SKOR1: variants seen among roughly 807,000 people sequenced by gnomAD.
The protein encoded by SKOR1 is LBX1 corepressor 1.
A neutral mutation model predicts 72.4 loss-of-function variants in SKOR1; 38 were observed. The ratio of observed to expected loss-of-function variants is 0.52; its 90% CI spans 0.40 to 0.69. The LOEUF (loss-of-function observed/expected upper bound fraction) is 0.69, where lower values mean the gene tolerates loss of function less well. SKOR1 is among the 30% of genes least tolerant of loss of function. The pLI, the probability that SKOR1 is intolerant of heterozygous loss-of-function variation, is 0.00. For synonymous variants in SKOR1, 642 were observed against 599.4 expected (o/e 1.07, Z -1.04); for missense variants, 1,320 against 1,343.2 (o/e 0.98, Z 0.27).
chr15:67,832,499 G>A lies in SKOR1; in HGVS notation c.2663-108G>A. The A allele has an allele frequency of 7.6e-7, 1 of 1,310,596 alleles. No individual in the cohort carries two copies. The highest frequency in any genetic ancestry group is 2.3e-5 in the East Asian group (1 of 42,808). 81.2% of individuals were successfully genotyped at this position (1,310,596 alleles called of 1,614,324 possible). A position where few individuals can be genotyped will look rare whatever the true frequency, so the allele number is the denominator to read the frequency against. Reference sequence around the variant, plus strand: ...TCCTTTTCCAGGGCTGCAGGCGAATGGCTGGGTGGGAGTTGGGGGTAGGGG... The same window carrying A: ...TCCTTTTCCAGGGCTGCAGGCGAATAGCTGGGTGGGAGTTGGGGGTAGGGG... On this transcript the variant is annotated intron_variant, in intron 6 of 8. Coordinates refer to ENST00000380035, the MANE Select transcript of SKOR1 (RefSeq NM_001365915.1). This position sits in a 1 kb window ranked among gnomAD's most constrained non-coding sequence, Gnocchi z 4.5.
chr15:67,828,127 G>GGCCCCGCGCCGGCCAAGGTGA lies in SKOR1; in HGVS notation c.2310_2316+14dup. 6.7e-7 allele frequency: 1 copy of GGCCCCGCGCCGGCCAAGGTGA among 1,491,298 alleles called. No homozygotes were observed. The highest frequency in any genetic ancestry group is 8.9e-7 in the Non-Finnish European group (1 of 1,129,194). The allele number at this position is 1,491,298 out of a possible 1,614,324, so 92.4% of individuals were successfully genotyped here. A position where few individuals can be genotyped will look rare whatever the true frequency, so the allele number is the denominator to read the frequency against. ...GCGAGAGCCTTGCGGGCCCCTAGGA[G>GGCCCCGCGCCGGCCAAGGTGA]GCCCCGCGCCGGCCAAGGTGAGCCC... is the stretch of plus-strand genomic sequence containing the variant. On this transcript the variant is annotated inframe_insertion, in exon 2 of 9. Transcript: ENST00000380035.
rs1305221233 is a variant in SKOR1 at position 67,827,814 on chromosome 15, C to T, written c.1986C>T (p.Asp662=). 3 of 1,585,274 alleles carry T rather than the reference C, an allele frequency of 1.9e-6. No homozygotes were observed. Among genetic ancestry groups the T allele is most frequent in the South Asian group, 2.3e-5 (2 of 87,254 alleles). Residue 662 remains aspartate (D), a synonymous_variant, in exon 2 of 9, where the codon GAC becomes GAT. Coordinates refer to ENST00000380035, the MANE Select transcript of SKOR1 (RefSeq NM_001365915.1). ...ACACCGCGGACGAGCCCGAGGTGGA[C>T]GTGGAATCCAACCGCTTCCCCGACG... ...DVDTADEPEV[D]VESNRFPDDE...
At chr15:67,829,077 C>T in intron 2 of SKOR1, 102 bp from the exon 3 acceptor site, 4 of 1,082,216 alleles carry the variant, frequency 3.7e-6, no homozygotes, top group Non-Finnish European at 5.1e-6. Flanking sequence ...CCAACCTTTG[C>T]CACTCCGTCG....
At position 67,826,467 on chromosome 15, in the gene SKOR1, C is replaced by T. The variant is rs936175574; in HGVS notation, c.639C>T (p.Cys213=). The part of the protein sequence containing the change: ...SRAKCIKCGY[C]SMYFSPNKFI... ...CCAAGTGCATCAAGTGCGGCTACTG[C>T]AGCATGTACTTCTCGCCCAACAAGT... The change falls in exon 2 of 9, where the codon TGC becomes TGT. Residue 213 remains cysteine, a synonymous_variant. Coordinates refer to ENST00000380035, the MANE Select transcript of SKOR1 (RefSeq NM_001365915.1). 1.2e-6 allele frequency: 2 copies of T among 1,614,000 alleles called. No homozygotes were observed. Among genetic ancestry groups the T allele is most frequent in the African/African-American group, 2.7e-5 (2 of 74,950 alleles).
Position 67,827,943 on chromosome 15 carries a change from G to T in SKOR1, c.2115G>T (p.Ala705=). The change falls in exon 2 of 9, where the codon GCG becomes GCT. Residue 705 remains alanine, a synonymous_variant. Coordinates refer to ENST00000380035, the MANE Select transcript of SKOR1 (RefSeq NM_001365915.1). ...CCCCTTCCGCCACCTCCTCTGGCGC[G>T]GACGGTCCCGCAAACTCTCCCGACG... ...TGPPSATSSG[A]DGPANSPDGG... is the part of the protein sequence containing the mutation. 2 of 1,573,506 alleles carry T rather than the reference G, an allele frequency of 1.3e-6. No homozygotes were observed.
At chr15:67,831,756 G>A (rs936912127) in intron 5 of SKOR1, among the ~76,000 whole-genome samples, 1 of 152,116 alleles carries the variant, frequency 6.6e-6, no homozygotes, top group Non-Finnish European at 1.5e-5. Context: ...AATCACTGGT[G>A]CTTTATAGTG....
intron 5 of SKOR1, among the ~76,000 whole-genome samples, chr15:67,831,470 A>G (rs940172449): frequency 6.6e-6 from 1 of 152,094 alleles, no homozygotes; most frequent in African/African-American, 2.4e-5. Context: ...GGGAGTCCCT[A>G]GCCCCACTTT....
Position 67,832,292 on chromosome 15 carries a change from T to C in SKOR1, c.2606T>C (p.Leu869Pro). ...NLAREELQKL[L>P]LEQMELRKKL... is the part of the protein sequence containing the mutation. ...TTCACAGAGGAATTGCAAAAACTGC[T>C]CCTGGAACAAATGGAGCTCCGCAAG... Residue 869 changes from leucine to proline, a missense_variant, in exon 6 of 9, where the codon CTC (leucine) becomes CCC (proline). By Grantham distance (98) the Leu-to-Pro change is moderately conservative. Coordinates refer to ENST00000380035, the MANE Select transcript of SKOR1 (RefSeq NM_001365915.1). The surrounding 1 kb of genome is among the most constrained non-coding windows in gnomAD (Gnocchi z 4.5). 1.2e-6 allele frequency: 2 copies of C among 1,614,090 alleles called. No homozygotes were observed. The highest frequency in any genetic ancestry group is 1.7e-6 in the Non-Finnish European group (2 of 1,180,012).
Position 67,826,353 on chromosome 15 carries a change from G to A in SKOR1, c.525G>A (p.Leu175=). 1 of 1,613,644 alleles carries A rather than the reference G, an allele frequency of 6.2e-7. No homozygotes were observed. Residue 175 remains leucine, a synonymous_variant, in exon 2 of 9, where the codon CTG becomes CTA. Coordinates refer to ENST00000380035, the MANE Select transcript of SKOR1 (RefSeq NM_001365915.1). ...TGGGCGAGCACAAACCACCCAAGCT[G>A]CCCGAGAACTTCGCCTTCGATGTGG... ...SFLGEHKPPK[L]PENFAFDVVH...
Position 67,826,857 on chromosome 15 carries a change from C to T in SKOR1, c.1029C>T (p.His343=). 6.5e-7 allele frequency: 1 copy of T among 1,529,438 alleles called. No individual in the cohort carries two copies. The allele number at this position is 1,529,438 out of a possible 1,614,324, so 94.7% of individuals were successfully genotyped here. Residue 343 remains histidine, a synonymous_variant, in exon 2 of 9, where the codon CAC becomes CAT. Coordinates refer to ENST00000380035, the MANE Select transcript of SKOR1 (RefSeq NM_001365915.1). The part of the protein sequence containing the change: ...AAGPPGPPPP[H]PQRGLGLATG... The stretch of plus-strand genomic sequence containing the variant: ...GGCCTCCGGGGCCACCTCCACCCCA[C>T]CCGCAGCGCGGACTTGGCCTGGCGA...
rs1200500989 is a variant in SKOR1 at position 67,827,338 on chromosome 15, C to T, written c.1510C>T (p.Pro504Ser). 1 of 1,588,508 alleles carries T rather than the reference C, an allele frequency of 6.3e-7. No individual in the cohort carries two copies. Among genetic ancestry groups the T allele is most frequent in the Non-Finnish European group, 8.5e-7 (1 of 1,175,604 alleles). ...AAGSLPVPSY[P>S]AAQSQAKAVA... ...AGGCAGCCTCCCGGTACCGTCCTAC[C>T]CCGCTGCTCAGAGCCAAGCCAAGGC... The change falls in exon 2 of 9, where the codon CCC (proline) becomes TCC (serine). Residue 504 changes from proline to serine, a missense_variant. Pro to Ser is a moderately conservative substitution (Grantham distance 74). Around this residue, in one of 3 missense-constraint regions of SKOR1, gnomAD observed 1,099 missense variants for 1,025.5 expected, o/e 1.07. Coordinates refer to ENST00000380035, the MANE Select transcript of SKOR1 (RefSeq NM_001365915.1).
Position 67,826,855 on chromosome 15 carries a change from C to A in SKOR1, c.1027C>A (p.His343Asn), listed in dbSNP as rs749758852. The part of the protein sequence containing the change: ...AAGPPGPPPP[H>N]PQRGLGLATG... Reference sequence around the variant, plus strand: ...CGGGCCTCCGGGGCCACCTCCACCCCACCCGCAGCGCGGACTTGGCCTGGC... The same window carrying A: ...CGGGCCTCCGGGGCCACCTCCACCCAACCCGCAGCGCGGACTTGGCCTGGC... The change falls in exon 2 of 9, where the codon CAC becomes AAC. Residue 343 changes from histidine to asparagine, a missense_variant. By Grantham distance (68) the His-to-Asn change is moderately conservative (BLOSUM62 1). Around this residue, in one of 3 missense-constraint regions of SKOR1, gnomAD observed 1,099 missense variants for 1,025.5 expected, o/e 1.07. Transcript: ENST00000380035. 3.3e-6 allele frequency: 5 copies of A among 1,529,602 alleles called. No individual in the cohort carries two copies. The highest frequency in any genetic ancestry group is 2.8e-5 in the African/African-American group (2 of 72,686). The allele number at this position is 1,529,602 out of a possible 1,614,324, so 94.8% of individuals were successfully genotyped here. A position where few individuals can be genotyped will look rare whatever the true frequency, so the allele number is the denominator to read the frequency against.
chr15:67,827,130 A>C lies in SKOR1; in HGVS notation c.1302A>C (p.Thr434=). Residue 434 remains threonine, a synonymous_variant, in exon 2 of 9, where the codon ACA becomes ACC. Transcript: ENST00000380035. ...GGAGCGGCGGCGGCGGCGCGGGGAC[A>C]GGCGGGGGTGCGGGGGGCCCGGGAG... The part of the protein sequence containing the change: ...GTGSGGGGAG[T]GGGAGGPGAS... 3 of 1,376,728 alleles carry C rather than the reference A, an allele frequency of 2.2e-6. No homozygotes were observed. The highest frequency in any genetic ancestry group is 3.0e-5 in the Admixed American group (1 of 33,716). The allele number at this position is 1,376,728 out of a possible 1,614,324, so 85.3% of individuals were successfully genotyped here. A position where few individuals can be genotyped will look rare whatever the true frequency, so the allele number is the denominator to read the frequency against.
chr15:67,828,263 T>A lies in SKOR1; in HGVS notation c.2316+119T>A, dbSNP rs1274707919. On this transcript the variant is annotated intron_variant, in intron 2 of 8. Coordinates refer to ENST00000380035, the MANE Select transcript of SKOR1 (RefSeq NM_001365915.1). ...CGCGCAGGCGTGGGAGCAGCAGGCC[T>A]CGGCCACTCTCCGCAGGCCCAGCCT... The A allele has an allele frequency of 2.2e-6, 3 of 1,342,672 alleles. No homozygotes were observed. The African/African-American group carries it at 4.6e-5, about 21-fold the overall frequency. The allele number at this position is 1,342,672 out of a possible 1,614,324, so 83.2% of individuals were successfully genotyped here. A position where few individuals can be genotyped will look rare whatever the true frequency, so the allele number is the denominator to read the frequency against.
chr15:67,834,213 C>T lies in SKOR1; in HGVS notation c.*377C>T. 3.1e-6 allele frequency: 1 copy of T among 319,372 alleles called. No individual in the cohort carries two copies. Among genetic ancestry groups the T allele is most frequent in the South Asian group, 3.3e-5 (1 of 30,618 alleles). The allele number at this position is 319,372 out of a possible 1,614,324, so 19.8% of individuals were successfully genotyped here. On this transcript the variant is annotated 3_prime_UTR_variant, in exon 9 of 9. Coordinates refer to ENST00000380035, the MANE Select transcript of SKOR1 (RefSeq NM_001365915.1). This position sits in a 1 kb window ranked among gnomAD's most constrained non-coding sequence, Gnocchi z 5.8. ...AATGTAGCAACTTCGCTGGCGCCTG[C>T]CCCGCACTCCCCGTCCCGTCCACTT...
rs568102942 is a variant in SKOR1, at chr15:67,830,820, G to A, written c.2518G>A (p.Glu840Lys). 8.1e-6 allele frequency: 13 copies of A among 1,614,172 alleles called. No homozygotes were observed. Among genetic ancestry groups the A allele is most frequent in the South Asian group, 3.3e-5 (3 of 91,086 alleles). The change falls in exon 5 of 9, where the codon GAA becomes AAA. Residue 840 changes from glutamate (E) to lysine (K), a missense_variant and splice_region_variant. Physicochemically the swap from Glu to Lys is moderately conservative, Grantham distance 56. Coordinates refer to ENST00000380035, the MANE Select transcript of SKOR1 (RefSeq NM_001365915.1). ...QPSPANTDRG[E>K]DGLTLDVTGT... is the part of the protein sequence containing the mutation. ...TCTTACCTGCCCCTGTATCCCAGGC[G>A]AAGATGGGCTTACCTTGGATGTCAC... is the stretch of plus-strand genomic sequence containing the variant.
rs377094576 is a variant in SKOR1 at position 67,830,873 on chromosome 15, C to A, written c.2571C>A (p.Ile857=). 7.4e-6 allele frequency: 12 copies of A among 1,613,948 alleles called. No individual in the cohort carries two copies. The highest frequency in any genetic ancestry group is 1.3e-5 in the African/African-American group (1 of 74,884). The change falls in exon 5 of 9, where the codon ATC becomes ATA. Residue 857 remains isoleucine, a synonymous_variant. Transcript: ENST00000380035. ...VTGTHLVEKD[I]ENLAREELQK... Reference sequence around the variant, plus strand: ...GAACTCATTTGGTGGAGAAAGATATCGAGAACCTGGCCAGAGGTGAGGATA... The same window carrying A: ...GAACTCATTTGGTGGAGAAAGATATAGAGAACCTGGCCAGAGGTGAGGATA...
Position 67,825,549 on chromosome 15 carries a change from C to A in SKOR1, c.-54C>A. 1 of 720,384 alleles carries A rather than the reference C, an allele frequency of 1.4e-6. No homozygotes were observed. The highest frequency in any genetic ancestry group is 1.5e-5 in the South Asian group (1 of 67,776). 44.6% of individuals were successfully genotyped at this position (720,384 alleles called of 1,614,324 possible). A position where few individuals can be genotyped will look rare whatever the true frequency, so the allele number is the denominator to read the frequency against. On this transcript the variant is annotated 5_prime_UTR_variant, in exon 1 of 9. Coordinates refer to ENST00000380035, the MANE Select transcript of SKOR1 (RefSeq NM_001365915.1). The surrounding 1 kb of genome is among the most constrained non-coding windows in gnomAD (Gnocchi z 5.6). ...GGACCCGGGCCGGCAGCACCGGCTG[C>A]GAGGGTTGCCGAAGGCGCACGGATC...
Position 67,826,898 on chromosome 15 carries a change from C to A in SKOR1, c.1070C>A (p.Pro357Gln). ...GGCCTGGCGACTGGAGCTAGTGGCC[C>A]GGCGGGCCCAGGAGGGCCCGGTGGC... is the stretch of plus-strand genomic sequence containing the variant. Reference protein sequence around the residue: ...GLGLATGASGPAGPGGPGGGA... With the variant: ...GLGLATGASGQAGPGGPGGGA... The change falls in exon 2 of 9, where the codon CCG becomes CAG. Residue 357 changes from proline (P) to glutamine (Q), a missense_variant. Physicochemically the swap from Pro to Gln is moderately conservative, Grantham distance 76 (BLOSUM62 -1). Transcript: ENST00000380035. 1 of 1,550,968 alleles carries A rather than the reference C, an allele frequency of 6.4e-7. No homozygotes were observed. Among genetic ancestry groups the A allele is most frequent in the Non-Finnish European group, 8.7e-7 (1 of 1,154,588 alleles).
Sources: gnomAD v4.1 joint callset for allele counts (sites outside exome capture counted in the v4.1 genomes callset) on GRCh38, gnomAD v4.1.1 for gene constraint, gnomAD v4.1.1 regional missense constraint, Gnocchi (gnomAD v3.1) non-coding constraint, MANE v1.5 for transcripts, NCBI Gene and HGNC (gene_info 2026-07-23, HGNC 2026-07-21) for gene names.